The following NFKBID variants were observed in gnomAD, a reference collection of about 807,000 sequenced individuals.
NFKBID encodes NFKB inhibitor delta.
Under a neutral mutation model 53.4 loss-of-function variants are expected in NFKBID, and 26 were observed. That is an observed-to-expected ratio of 0.49 (90% confidence interval 0.36 to 0.68). The LOEUF (loss-of-function observed/expected upper bound fraction) is 0.68, where lower values mean the gene tolerates loss of function less well. Among genes scored for constraint, NFKBID ranks in the 30% least tolerant of loss-of-function variants. NFKBID has a pLI of 0.00. For missense variants in NFKBID, 493 were observed against 614.1 expected (o/e 0.80, Z 2.08); for synonymous variants, 262 against 259.8 (o/e 1.01, Z -0.08).
At chr19:35,898,133 A>G (rs1160781865) in intron 3 of NFKBID, among the ~76,000 whole-genome samples, 1 of 152,102 alleles carries the variant, frequency 6.6e-6, no homozygotes, top group African/African-American at 2.4e-5. Flanking sequence ...ACTGAGTTCC[A>G]GCAAGAATGA....
chr19:35,890,334 G>A (rs371050523), intron 10 of NFKBID, 40 bp downstream of exon 10: 37 of 1,247,334 alleles, frequency 3.0e-5, no homozygotes, highest in Middle Eastern at 4.3e-4. Flanking sequence ...CCCCCCTACC[G>A]TACCCCACAC....
intron 2 of NFKBID, 35 bp downstream of exon 2, chr19:35,898,684 G>A (rs1454497849): frequency 3.9e-6 from 6 of 1,520,678 alleles, no homozygotes; most frequent in South Asian, 1.2e-5. Flanking sequence ...GGGACAGCAC[G>A]GGGCCTCCGG....
chr19:35,898,303 C>T (rs1334764084), intron 3 of NFKBID, among the ~76,000 whole-genome samples, 169 bp downstream of exon 3: 2 of 150,936 alleles, frequency 1.3e-5, no homozygotes, highest in African/African-American at 4.9e-5. Flanking sequence ...AGCCAGATAG[C>T]GCCACTGCAC....
intron 10 of NFKBID, 109 bp from the exon 11 acceptor site, chr19:35,890,163 T>A: frequency 8.5e-7 from 1 of 1,173,342 alleles, no homozygotes; most frequent in Non-Finnish European, 1.2e-6. Flanking sequence ...TCCTTTCACA[T>A]CCCAGACCTC....
Position 35,896,711 on chromosome 19 carries a change from G to A in NFKBID, c.684+15C>T, listed in dbSNP as rs1476655430. 1 of 1,610,510 alleles carries A rather than the reference G, an allele frequency of 6.2e-7. No individual in the cohort carries two copies. The highest frequency in any genetic ancestry group is 1.3e-5 in the African/African-American group (1 of 74,620). ...CCTCCCCTGAACCCAGGAGAGTTCA[G>A]GCCCCAAGCCTCACCTTGCCCTTAT... On this transcript the variant is annotated intron_variant, in intron 6 of 11. Transcript: ENST00000641389. The surrounding 1 kb of genome is among the most constrained non-coding windows in gnomAD (Gnocchi z 5.7).
intron 9 of NFKBID, among the ~76,000 whole-genome samples, chr19:35,891,873 A>G (rs1030480994): frequency 4.6e-5 from 7 of 151,858 alleles, no homozygotes; most frequent in Non-Finnish European, 1.0e-4. Context: ...TCTCAAAAAA[A>G]AAAAGCTATG....
intron 3 of NFKBID, 108 bp downstream of exon 3, chr19:35,898,364 A>T: frequency 2.8e-6 from 2 of 707,608 alleles, no homozygotes; most frequent in Non-Finnish European, 4.7e-6. Context: ...AAAAAAAAAA[A>T]GGGAAGAATG....
chr19:35,898,834 A>G lies in NFKBID; in HGVS notation c.62-12T>C. 1 of 1,532,702 alleles carries G rather than the reference A, an allele frequency of 6.5e-7. No individual in the cohort carries two copies. The highest frequency in any genetic ancestry group is 8.7e-7 in the Non-Finnish European group (1 of 1,144,000). 94.9% of individuals were successfully genotyped at this position (1,532,702 alleles called of 1,614,324 possible). A position where few individuals can be genotyped will look rare whatever the true frequency, so the allele number is the denominator to read the frequency against. Reference sequence around the variant, plus strand: ...CTCACCCCTGCTCACTGTGCGGGAGAGGAGAGGGGGAAGTCATCAAGGGTC... The same window carrying G: ...CTCACCCCTGCTCACTGTGCGGGAGGGGAGAGGGGGAAGTCATCAAGGGTC... On this transcript the variant is annotated splice_polypyrimidine_tract_variant and intron_variant, in intron 1 of 11. Transcript: ENST00000641389.
At chr19:35,891,518 A>G (rs1054914398) in intron 9 of NFKBID, among the ~76,000 whole-genome samples, 1 of 152,198 alleles carries the variant, frequency 6.6e-6, no homozygotes, top group Admixed American at 6.6e-5. Flanking sequence ...GATATTTGGT[A>G]TTACAAGAAA....
At chr19:35,891,939 G>A (rs59133706) in intron 9 of NFKBID, among the ~76,000 whole-genome samples, 5 of 151,980 alleles carry the variant, frequency 3.3e-5, no homozygotes, top group Non-Finnish European at 5.9e-5. Context: ...CTGGAGTGCA[G>A]TGGTGTGACC....
In NFKBID at chr19:35,896,605, C is replaced by T. The variant is rs1351453123; in HGVS notation, c.685-67G>A. 6.4e-7 allele frequency: 1 copy of T among 1,563,858 alleles called. No individual in the cohort carries two copies. The highest frequency in any genetic ancestry group is 8.8e-7 in the Non-Finnish European group (1 of 1,139,068). On this transcript the variant is annotated intron_variant, in intron 6 of 11. Coordinates refer to ENST00000641389, the Ensembl canonical transcript of NFKBID. The surrounding 1 kb of genome is among the most constrained non-coding windows in gnomAD (Gnocchi z 5.7). ...TCCCGTCAGAAAACCAGGCTCCCAG[C>T]CCCATCCCCCCTCAGCCCCAGGAGC...
At chr19:35,900,827 C>CTTTTCTTTTTT (rs1975530207), upstream of NFKBID, among the ~76,000 whole-genome samples, 2 of 107,606 alleles carry the variant, frequency 1.9e-5, no homozygotes, top group African/African-American at 7.2e-5. Context: ...TTTTTCTTTT[C>CTTTTCTTTTTT]TTTTTTTTTT....
chr19:35,898,492 G>T (rs1975345367), exon 3 of NFKBID: 2 of 1,535,096 alleles, frequency 1.3e-6, no homozygotes, highest in Non-Finnish European at 1.7e-6. Context: ...CTCATTCACA[G>T]ATGGGGTCAG....
chr19:35,895,050 T>C lies in NFKBID; in HGVS notation c.1032+930A>G, dbSNP rs147331157. ...CATGCCTGTTTCCTTTTCAGTAAAA[T>C]AGAGAAAATAGAGTACACATGTCAA... is the stretch of plus-strand genomic sequence containing the variant. On this transcript the variant is annotated intron_variant, in intron 9 of 11. Transcript: ENST00000641389. Among the ~76,000 whole-genome samples, 64 of 151,356 alleles carry C rather than the reference T, an allele frequency of 4.2e-4. 1 individual carries two copies. The highest frequency in any genetic ancestry group is 1.6e-3 in the African/African-American group (64 of 41,248).
chr19:35,892,812 C>G (rs1022281746), intron 9 of NFKBID, among the ~76,000 whole-genome samples: 3 of 152,198 alleles, frequency 2.0e-5, no homozygotes, highest in African/African-American at 7.2e-5. Context: ...TTATCATCTC[C>G]TCTCTTTTCC....
chr19:35,902,260 G>T (rs777005683), upstream of NFKBID: 1 of 704,594 alleles, frequency 1.4e-6, no homozygotes, highest in South Asian at 1.5e-5. Context: ...GGCTGTCTAG[G>T]ATCCCTCTCA....
At chr19:35,898,627 AC>A in intron 2 of NFKBID, 91 bp downstream of exon 2, 1 of 1,401,956 alleles carries the variant, frequency 7.1e-7, no homozygotes, top group Non-Finnish European at 9.6e-7. Context: ...GGTCAGGACC[AC>A]CCCTCTCATC....
intron 9 of NFKBID, among the ~76,000 whole-genome samples, chr19:35,892,781 T>C (rs1401517701): frequency 1.3e-5 from 2 of 152,204 alleles, no homozygotes; most frequent in African/African-American, 4.8e-5. Context: ...AATTTGTAAT[T>C]ATGTTCAGTT....
chr19:35,891,302 G>A (rs1974745539), intron 9 of NFKBID, among the ~76,000 whole-genome samples: 1 of 152,188 alleles, frequency 6.6e-6, no homozygotes, highest in South Asian at 2.1e-4. Flanking sequence ...TAACGATAAT[G>A]AATGTTAAAC....
Sources: gnomAD v4.1 joint callset for allele counts (sites outside exome capture counted in the v4.1 genomes callset) on GRCh38, gnomAD v4.1.1 for gene constraint, Gnocchi (gnomAD v3.1) non-coding constraint, MANE v1.5 for transcripts, NCBI Gene and HGNC (gene_info 2026-07-23, HGNC 2026-07-21) for gene names.